Variants in EFNA5 observed in about 807,000 individuals in gnomAD.
EFNA5 encodes ephrin-A5.
A neutral mutation model predicts 22.9 loss-of-function variants in EFNA5; 5 were observed. The ratio of observed to expected loss-of-function variants is 0.22; its 90% confidence interval spans 0.11 to 0.46. The LOEUF is 0.46. EFNA5 is among the 20% of genes least tolerant of loss of function. EFNA5 has a pLI of 0.99. For missense variants in EFNA5, 237 were observed against 293.3 expected (o/e 0.81, Z 1.40); for synonymous variants, 113 against 112.2 (o/e 1.01, Z -0.04).
At chr5:107,466,271 T>A (rs996817008) in intron 1 of EFNA5, among the ~76,000 whole-genome samples, 5 of 152,158 alleles carry the variant, frequency 3.3e-5, no homozygotes, top group African/African-American at 1.2e-4. Flanking sequence ...TAAGCCATGA[T>A]GTGTCAAAGG....
At chr5:107,467,670 AC>A (rs1750026991) in intron 1 of EFNA5, among the ~76,000 whole-genome samples, 1 of 152,222 alleles carries the variant, frequency 6.6e-6, no homozygotes, top group Non-Finnish European at 1.5e-5. Flanking sequence ...AGGCAGCTTT[AC>A]CTTTGGGCTT....
At chr5:107,537,516 T>C (rs978851771) in intron 1 of EFNA5, among the ~76,000 whole-genome samples, 6 of 152,182 alleles carry the variant, frequency 3.9e-5, no homozygotes, top group African/African-American at 1.2e-4. Flanking sequence ...GGAAAATCCC[T>C]TGAACACAGG....
intron 1 of EFNA5, among the ~76,000 whole-genome samples, chr5:107,502,048 CT>C (rs1004679112): frequency 6.6e-6 from 1 of 152,124 alleles, no homozygotes; most frequent in African/African-American, 2.4e-5. Flanking sequence ...CGGGCATTGC[CT>C]ACGGAAGTTA....
At chr5:107,381,737 G>A (rs3797506) in intron 4 of EFNA5, among the ~76,000 whole-genome samples, 1 of 151,622 alleles carries the variant, frequency 6.6e-6, no homozygotes, top group African/African-American at 2.4e-5. Context: ...AGGCAAGCAA[G>A]TGACATGTTG....
chr5:107,439,597 C>T (rs372239939), intron 1 of EFNA5, among the ~76,000 whole-genome samples: 11 of 152,258 alleles, frequency 7.2e-5, no homozygotes, highest in African/African-American at 2.4e-4. Flanking sequence ...CTCATGATAC[C>T]CTGCACATGG....
At chr5:107,644,426 G>C (rs1040303449) in intron 1 of EFNA5, among the ~76,000 whole-genome samples, 1 of 152,160 alleles carries the variant, frequency 6.6e-6, no homozygotes, top group Non-Finnish European at 1.5e-5. Context: ...ATTCAAATTA[G>C]TGAACAAAAC....
At chr5:107,447,696 G>C (rs1749433321) in intron 1 of EFNA5, among the ~76,000 whole-genome samples, 1 of 152,160 alleles carries the variant, frequency 6.6e-6, no homozygotes, top group Admixed American at 6.5e-5. Flanking sequence ...GAAGGGGAGG[G>C]GGGCTTCTCA....
intron 1 of EFNA5, among the ~76,000 whole-genome samples, chr5:107,579,292 G>C (rs10043768): frequency 7.9e-5 from 12 of 152,262 alleles, no homozygotes; most frequent in East Asian, 5.8e-4. Context: ...CATGGAGCCA[G>C]GTTCAACTTT....
rs1747426067 is a variant in EFNA5, at chr5:107,380,640, C to T, written c.*615G>A. 1 of 388,224 alleles carries T rather than the reference C, an allele frequency of 2.6e-6. No homozygotes were observed. The highest frequency in any genetic ancestry group is 3.7e-5 in the East Asian group (1 of 27,310). 24.0% of individuals were successfully genotyped at this position (388,224 alleles called of 1,614,324 possible). The stretch of plus-strand genomic sequence containing the variant: ...TTTTGCTGTCAAGAATGCTTTAAGA[C>T]AGTCATATTAAAAAAAAAAACCAGT... On this transcript the variant is annotated 3_prime_UTR_variant, in exon 5 of 5. Coordinates refer to ENST00000333274, the MANE Select transcript of EFNA5 (RefSeq NM_001962.3).
At chr5:107,608,797 A>G (rs1749769711) in intron 1 of EFNA5, among the ~76,000 whole-genome samples, 1 of 152,212 alleles carries the variant, frequency 6.6e-6, no homozygotes, top group South Asian at 2.1e-4. Flanking sequence ...TGATGGCCCC[A>G]AGCAGGCTGG....
At chr5:107,396,856 G>C (rs1056830873) in intron 2 of EFNA5, among the ~76,000 whole-genome samples, 2 of 152,112 alleles carry the variant, frequency 1.3e-5, no homozygotes, top group African/African-American at 4.8e-5. Flanking sequence ...TTAAGAGTGT[G>C]AGCAGTGAGC....
chr5:107,590,397 T>A (rs1298629240), intron 1 of EFNA5, among the ~76,000 whole-genome samples: 1 of 110,798 alleles, frequency 9.0e-6, no homozygotes, highest in African/African-American at 3.1e-5. Context: ...TAGACATAAT[T>A]TTTTTTTTTT....
intron 1 of EFNA5, among the ~76,000 whole-genome samples, chr5:107,542,561 G>C (rs910837019): frequency 2.0e-5 from 3 of 151,950 alleles, no homozygotes; most frequent in African/African-American, 7.3e-5. Context: ...ATAAGGGGGG[G>C]GTGCGGGGAG....
chr5:107,666,371 T>C (rs1415335758), intron 1 of EFNA5, among the ~76,000 whole-genome samples: 1 of 152,152 alleles, frequency 6.6e-6, no homozygotes, highest in Non-Finnish European at 1.5e-5. Context: ...ATTTGACCTG[T>C]ACTGCCAGAG....
At chr5:107,516,363 C>T (rs567048382) in intron 1 of EFNA5, among the ~76,000 whole-genome samples, 2 of 151,540 alleles carry the variant, frequency 1.3e-5, no homozygotes, top group African/African-American at 2.4e-5. Flanking sequence ...TAAGCAGCCA[C>T]GATATACAGG....
At chr5:107,532,206 G>A (rs895479627) in intron 1 of EFNA5, among the ~76,000 whole-genome samples, 1 of 152,232 alleles carries the variant, frequency 6.6e-6, no homozygotes, top group Non-Finnish European at 1.5e-5. Context: ...GTTAAGAGAT[G>A]AGGCAATGGC....
At chr5:107,553,590 C>T (rs1748346151) in intron 1 of EFNA5, among the ~76,000 whole-genome samples, 1 of 152,222 alleles carries the variant, frequency 6.6e-6, no homozygotes. Context: ...GAAGCTCTTA[C>T]TGGACTAACA....
chr5:107,508,874 A>T (rs1171968746), intron 1 of EFNA5, among the ~76,000 whole-genome samples: 1 of 152,226 alleles, frequency 6.6e-6, no homozygotes, highest in Admixed American at 6.5e-5. Flanking sequence ...AGGTATATTC[A>T]TTACTTGAAA....
intron 1 of EFNA5, among the ~76,000 whole-genome samples, chr5:107,470,977 C>T (rs1490776467): frequency 1.3e-5 from 2 of 152,012 alleles, no homozygotes; most frequent in African/African-American, 4.8e-5. Context: ...TCTTGATATC[C>T]TTCTCAGATC....
Sources: allele counts gnomAD v4.1 joint callset (sites outside exome capture counted in the v4.1 genomes callset), GRCh38; gene constraint gnomAD v4.1.1; transcripts MANE v1.5; gene names NCBI Gene and HGNC (gene_info 2026-07-23, HGNC 2026-07-21).